ABCA13: variants seen among roughly 807,000 people sequenced by gnomAD.
ABCA13 encodes the protein ATP binding cassette subfamily A member 13, also known as ATP-binding cassette sub-family A member 13.
In ABCA13, 476 loss-of-function variants were observed where a neutral mutation model predicts 478.7. The observed-to-expected ratio is 0.99, with a 90% CI of 0.92 to 1.07. ABCA13 has a LOEUF of 1.07. Among genes scored for constraint, ABCA13 ranks in the 50% least tolerant of loss-of-function variants. The pLI, the probability that ABCA13 is intolerant of heterozygous loss-of-function variation, is 0.00. For synonymous variants in ABCA13, 2,252 were observed against 2,158.9 expected (o/e 1.04, Z -1.20); for missense variants, 6,060 against 5,910.6 (o/e 1.03, Z -0.83).
At position 48,276,270 on chromosome 7, in the gene ABCA13, C is replaced by A; in HGVS notation, c.6604C>A (p.Gln2202Lys). 6 of 1,566,412 alleles carry A rather than the reference C, an allele frequency of 3.8e-6. No individual in the cohort carries two copies. Among genetic ancestry groups the A allele is most frequent in the Non-Finnish European group, 5.2e-6 (6 of 1,154,998 alleles). Residue 2202 changes from glutamine to lysine, a missense_variant, in exon 17 of 62, where the codon CAG becomes AAG. Transcript: ENST00000435803. Reference sequence around the variant, plus strand: ...ACAGCTGACTAATTTCTCAGTTGTTCAGCTGCTTTTTGAAAACATCCTAAT... The same window carrying A: ...ACAGCTGACTAATTTCTCAGTTGTTAAGCTGCTTTTTGAAAACATCCTAAT... Reference protein sequence around the residue: ...QEQLTNFSVVQLLFENILINL... With the variant: ...QEQLTNFSVVKLLFENILINL...
intron 55 of ABCA13, among the ~76,000 whole-genome samples, chr7:48,543,222 G>A (rs1211189117): frequency 5.3e-5 from 8 of 151,590 alleles, no homozygotes; most frequent in East Asian, 1.9e-4. Flanking sequence ...TCTGTAAGTC[G>A]AAACATTAAA....
intron 58 of ABCA13, among the ~76,000 whole-genome samples, chr7:48,600,611 G>A (rs6955037): frequency 0.043 from 6,494 of 151,952 alleles, 445 homozygotes; most frequent in African/African-American, 0.15. Flanking sequence ...GATAGTATAC[G>A]TCTTGATGCT....
At position 48,272,541 on chromosome 7, in the gene ABCA13, G is replaced by C. The variant is rs1056986340; in HGVS notation, c.2875G>C (p.Ala959Pro). The change falls in exon 17 of 62, where the codon GCT becomes CCT. Residue 959 changes from alanine to proline, a missense_variant. This residue lies in a region of ABCA13 where 4,423 missense variants were observed against 4,309.1 expected (regional missense o/e 1.03). Coordinates refer to ENST00000435803, the MANE Select transcript of ABCA13 (RefSeq NM_152701.5). ...AAATGTCTTCCAGGACAAGGATTCA[G>C]CTTTACTTCTGCAAATTTATTCTTC... ...HLNVFQDKDS[A>P]LLLQIYSSFY... 9 of 1,613,634 alleles carry C rather than the reference G, an allele frequency of 5.6e-6. No homozygotes were observed. The African/African-American group carries it at 9.3e-5, about 17-fold the overall frequency.
At chr7:48,469,054 A>G (rs1017113155) in intron 44 of ABCA13, among the ~76,000 whole-genome samples, 6 of 152,220 alleles carry the variant, frequency 3.9e-5, no homozygotes, top group Non-Finnish European at 8.8e-5. Context: ...TTCTCCTACT[A>G]TTTCTAACAC....
chr7:48,225,131 G>GCCTTCCTTCCTT (rs1434820823), intron 5 of ABCA13, among the ~76,000 whole-genome samples: 1,582 of 106,008 alleles, frequency 0.015, 13 homozygotes, highest in Non-Finnish European at 0.02. Flanking sequence ...CTGCCTGCCT[G>GCCTTCCTTCCTT]CCTGCCTTCC....
At chr7:48,209,587 T>C (rs940456685) in intron 3 of ABCA13, among the ~76,000 whole-genome samples, 5 of 152,194 alleles carry the variant, frequency 3.3e-5, no homozygotes, top group African/African-American at 1.2e-4. Flanking sequence ...TGGTTCAATA[T>C]TGGTATGTTG....
Position 48,274,246 on chromosome 7 carries a change from T to C in ABCA13, c.4580T>C (p.Leu1527Pro), listed in dbSNP as rs200473848. 2.8e-5 allele frequency: 45 copies of C among 1,613,220 alleles called. No individual in the cohort carries two copies. In the East Asian group the frequency reaches 9.8e-4, roughly 35 times the overall value. Reference protein sequence around the residue: ...SNWRYFTELILRPIEMSDEIP... With the variant: ...SNWRYFTELIPRPIEMSDEIP... ...TGGAGATATTTTACTGAATTAATTC[T>C]AAGACCAATAGAAATGTCAGATGAA... Residue 1527 changes from leucine (L) to proline (P), a missense_variant, in exon 17 of 62, where the codon CTA becomes CCA. Physicochemically the swap from Leu to Pro is moderately conservative, Grantham distance 98 (BLOSUM62 -3). Coordinates refer to ENST00000435803, the MANE Select transcript of ABCA13 (RefSeq NM_152701.5).
intron 56 of ABCA13, among the ~76,000 whole-genome samples, chr7:48,580,588 T>G (rs1448668981): frequency 6.6e-6 from 1 of 152,252 alleles, no homozygotes; most frequent in African/African-American, 2.4e-5. Flanking sequence ...GGTATCTGTG[T>G]GAGGCAGTCA....
intron 15 of ABCA13, among the ~76,000 whole-genome samples, chr7:48,262,513 A>G (rs1794332111): frequency 6.6e-6 from 1 of 151,830 alleles, no homozygotes; most frequent in African/African-American, 2.4e-5. Context: ...CTTCTCTGCT[A>G]TGCCATATAC....
chr7:48,483,696 A>T (rs906311500), intron 47 of ABCA13, among the ~76,000 whole-genome samples: 2 of 152,200 alleles, frequency 1.3e-5, no homozygotes, highest in African/African-American at 4.8e-5. Context: ...GAGAATGAGG[A>T]CTGGGATAGA....
chr7:48,516,248 A>C (rs1391969338), intron 51 of ABCA13, among the ~76,000 whole-genome samples: 2 of 152,210 alleles, frequency 1.3e-5, no homozygotes, highest in Non-Finnish European at 2.9e-5. Context: ...GGAAAATTCC[A>C]GAAATAAACA....
In ABCA13 at chr7:48,248,239, G is replaced by T. The variant is rs781021101; in HGVS notation, c.1660G>T (p.Asp554Tyr). ...NKLLGSVEDA[D>Y]RILQEVITWH... ...AGCAATATCTTCTTTTCTTGTTAAGGATCGTATTTTGCAAGAGGTCATTAC... is the reference window on the plus strand; with the variant it reads ...AGCAATATCTTCTTTTCTTGTTAAGTATCGTATTTTGCAAGAGGTCATTAC... Residue 554 changes from aspartate (D) to tyrosine (Y), a missense_variant and splice_region_variant, in exon 14 of 62, where the codon GAT becomes TAT. Coordinates refer to ENST00000435803, the MANE Select transcript of ABCA13 (RefSeq NM_152701.5). The T allele has an allele frequency of 1.2e-6, 2 of 1,610,404 alleles. No homozygotes were observed. The highest frequency in any genetic ancestry group is 2.7e-5 in the African/African-American group (2 of 74,750).
intron 41 of ABCA13, among the ~76,000 whole-genome samples, chr7:48,420,622 C>A (rs533227333): frequency 3.0e-4 from 46 of 152,200 alleles, no homozygotes; most frequent in African/African-American, 1.1e-3. Context: ...TCCCTTTGTA[C>A]CTTTGCCAAG....
At chr7:48,574,557 A>AAC (rs1554572499) in intron 55 of ABCA13, among the ~76,000 whole-genome samples, 1 of 152,170 alleles carries the variant, frequency 6.6e-6, no homozygotes, top group Non-Finnish European at 1.5e-5. Flanking sequence ...CATCTCAAGC[A>AAC]TGAGACACCT....
At chr7:48,390,453 T>C (rs1331418687) in intron 37 of ABCA13, among the ~76,000 whole-genome samples, 1 of 152,216 alleles carries the variant, frequency 6.6e-6, no homozygotes, top group African/African-American at 2.4e-5. Flanking sequence ...GAAAATAATA[T>C]AGCAAAGAGT....
chr7:48,189,035 G>GT (rs1304014205), intron 1 of ABCA13, among the ~76,000 whole-genome samples: 1 of 152,108 alleles, frequency 6.6e-6, no homozygotes, highest in African/African-American at 2.4e-5. Context: ...CTGCTAATAG[G>GT]TTTACCAGAC....
At position 48,222,073 on chromosome 7, in the gene ABCA13, C is replaced by T. The variant is rs1359350148; in HGVS notation, c.468+764C>T. ...GCTCAAAAAAAATATGCCATAAAAC[C>T]ATTAGGAGAAAAGTAAAAGAATAGG... On this transcript the variant is annotated intron_variant, in intron 5 of 61. Coordinates refer to ENST00000435803, the MANE Select transcript of ABCA13 (RefSeq NM_152701.5). Among the ~76,000 whole-genome samples, 5 of 152,022 alleles carry T rather than the reference C, an allele frequency of 3.3e-5. No homozygotes were observed. In the East Asian group the frequency reaches 9.6e-4, roughly 29 times the overall value.
chr7:48,614,119 A>C (rs1415169450), intron 58 of ABCA13, among the ~76,000 whole-genome samples: 3 of 150,448 alleles, frequency 2.0e-5, no homozygotes, highest in Non-Finnish European at 4.4e-5. Context: ...TTCATATTAT[A>C]ACAGTTTTTC....
At chr7:48,492,553 C>T (rs541848285) in intron 48 of ABCA13, among the ~76,000 whole-genome samples, 178 of 152,128 alleles carry the variant, frequency 1.2e-3, no homozygotes, top group African/African-American at 3.8e-3. Context: ...AAACTTGGTC[C>T]GCAGTGTAAC....
Sources: gnomAD v4.1 joint callset for allele counts (sites outside exome capture counted in the v4.1 genomes callset) on GRCh38, gnomAD v4.1.1 for gene constraint, gnomAD v4.1.1 regional missense constraint, MANE v1.5 for transcripts, NCBI Gene and HGNC (gene_info 2026-07-23, HGNC 2026-07-21) for gene names.